B3GALT1: variants seen among roughly 807,000 people sequenced by gnomAD.
B3GALT1 encodes beta-1,3-galactosyltransferase 1, also known as UDP-Gal:betaGlcNAc beta 1,3-galactosyltransferase, polypeptide 1.
In B3GALT1, 10 loss-of-function variants were observed where a neutral mutation model predicts 23.2. That is an observed-to-expected ratio of 0.43 (90% CI 0.27 to 0.73). The LOEUF is 0.73. Ranked by LOEUF, B3GALT1 falls within the 30% of genes least tolerant of loss-of-function variation. The pLI is 0.21. For missense variants in B3GALT1, 299 were observed against 405.4 expected (o/e 0.74, Z 2.25); for synonymous variants, 156 against 141.5 (o/e 1.10, Z -0.73).
intron 3 of B3GALT1, among the ~76,000 whole-genome samples, chr2:167,738,525 G>C (rs1205837051): frequency 2.0e-5 from 3 of 152,184 alleles, no homozygotes; most frequent in Non-Finnish European, 4.4e-5. Context: ...AGCACAAACA[G>C]TTGTTAGAAG....
intron 2 of B3GALT1, among the ~76,000 whole-genome samples, chr2:167,568,856 AGTTTTAT>A (rs769037774): frequency 2.6e-5 from 4 of 151,706 alleles, no homozygotes; most frequent in Non-Finnish European, 5.9e-5. Context: ...GGATTTTTAT[AGTTTTAT>A]GTTTTAGATC....
At chr2:167,589,148 A>G (rs1482359388) in intron 2 of B3GALT1, among the ~76,000 whole-genome samples, 2 of 152,114 alleles carry the variant, frequency 1.3e-5, no homozygotes, top group East Asian at 1.9e-4. Flanking sequence ...GTCTCCTTAT[A>G]TTGCCCAGGT....
intron 3 of B3GALT1, among the ~76,000 whole-genome samples, chr2:167,784,229 C>G (rs894077880): frequency 6.6e-6 from 1 of 152,220 alleles, no homozygotes; most frequent in Non-Finnish European, 1.5e-5. Context: ...ACTGCATCTG[C>G]AGATTGCTGG....
At chr2:167,462,096 T>A (rs1292189300) in intron 1 of B3GALT1, among the ~76,000 whole-genome samples, 1 of 152,136 alleles carries the variant, frequency 6.6e-6, no homozygotes, top group East Asian at 1.9e-4. Context: ...CATTGTATAT[T>A]TCCACAATAA....
chr2:167,532,463 C>A (rs1683341457), intron 2 of B3GALT1, among the ~76,000 whole-genome samples: 1 of 151,990 alleles, frequency 6.6e-6, no homozygotes, highest in African/African-American at 2.4e-5. Context: ...TTGTTTGTTG[C>A]TTTAAATCAA....
chr2:167,714,585 T>G, intron 3 of B3GALT1: 1 of 1,613,646 alleles, frequency 6.2e-7, no homozygotes. Flanking sequence ...AGTTCAGATT[T>G]AAACTCTGTT....
At chr2:167,799,329 C>A (rs1211394070) in intron 3 of B3GALT1, among the ~76,000 whole-genome samples, 3 of 152,100 alleles carry the variant, frequency 2.0e-5, no homozygotes, top group Admixed American at 2.0e-4. Flanking sequence ...ATTTTTATAT[C>A]CTTAGCCCCC....
intron 2 of B3GALT1, among the ~76,000 whole-genome samples, chr2:167,513,948 C>T (rs893033202): frequency 3.3e-5 from 5 of 151,848 alleles, no homozygotes; most frequent in African/African-American, 1.2e-4. Flanking sequence ...TCTCTGTCAC[C>T]CAGGCTGGAG....
At chr2:167,749,039 A>G (rs187520323) in intron 3 of B3GALT1, among the ~76,000 whole-genome samples, 139 of 152,344 alleles carry the variant, frequency 9.1e-4, no homozygotes, top group Non-Finnish European at 1.4e-3. Context: ...CAAGCCAGGC[A>G]TAGCTAAGAT....
intron 1 of B3GALT1, among the ~76,000 whole-genome samples, chr2:167,466,617 CAA>C (rs1175269957): frequency 7.6e-5 from 4 of 52,396 alleles, no homozygotes; most frequent in African/African-American, 1.6e-4. Context: ...AAGACTCTGT[CAA>C]AAAAAAAAAA....
chr2:167,700,662 T>C (rs1327224997), intron 3 of B3GALT1, among the ~76,000 whole-genome samples: 1 of 152,102 alleles, frequency 6.6e-6, no homozygotes, highest in East Asian at 1.9e-4. Flanking sequence ...GCATATTGGA[T>C]TCTCAGTACA....
intron 3 of B3GALT1, among the ~76,000 whole-genome samples, chr2:167,799,272 T>C (rs1301311569): frequency 6.6e-6 from 1 of 152,016 alleles, no homozygotes; most frequent in Non-Finnish European, 1.5e-5. Context: ...TCTATACAAT[T>C]CCAGTGCTCC....
chr2:167,831,516 T>TAAAC (rs1419070028), intron 4 of B3GALT1, among the ~76,000 whole-genome samples: 1 of 152,134 alleles, frequency 6.6e-6, no homozygotes, highest in African/African-American at 2.4e-5. Context: ...GGATTTGAGG[T>TAAAC]AAACACTTGT....
At chr2:167,685,674 G>A (rs75945741) in intron 3 of B3GALT1, among the ~76,000 whole-genome samples, 138 of 152,236 alleles carry the variant, frequency 9.1e-4, no homozygotes, top group African/African-American at 3.1e-3. Flanking sequence ...GAGAGAGCAG[G>A]GGCCAGGTCT....
At chr2:167,801,737 A>C (rs996080047) in intron 3 of B3GALT1, among the ~76,000 whole-genome samples, 3 of 152,250 alleles carry the variant, frequency 2.0e-5, no homozygotes, top group Non-Finnish European at 4.4e-5. Flanking sequence ...ATGTCATGCC[A>C]TAATACAACA....
At chr2:167,693,811 AT>A (rs1019070337) in intron 3 of B3GALT1, among the ~76,000 whole-genome samples, 5 of 151,992 alleles carry the variant, frequency 3.3e-5, no homozygotes, top group African/African-American at 1.2e-4. Context: ...ACCCTCTCAG[AT>A]TTCTATTTCT....
intron 2 of B3GALT1, among the ~76,000 whole-genome samples, chr2:167,520,887 G>T (rs1054099779): frequency 6.6e-5 from 10 of 152,192 alleles, no homozygotes; most frequent in Admixed American, 2.6e-4. Context: ...AGTCAGAATT[G>T]TATAAGCTGA....
chr2:167,747,544 G>A (rs1687671023), intron 3 of B3GALT1, among the ~76,000 whole-genome samples: 1 of 152,206 alleles, frequency 6.6e-6, no homozygotes, highest in African/African-American at 2.4e-5. Context: ...AGAAGAGGGA[G>A]AGGAAAAACA....
chr2:167,852,136 G>T (rs750906304), intron 4 of B3GALT1, among the ~76,000 whole-genome samples: 19 of 152,154 alleles, frequency 1.2e-4, no homozygotes, highest in Non-Finnish European at 2.6e-4. Flanking sequence ...TGTGACATGA[G>T]TTGAAGCATC....
Sources: gnomAD v4.1 joint callset for allele counts (sites outside exome capture counted in the v4.1 genomes callset) on GRCh38, gnomAD v4.1.1 for gene constraint, MANE v1.5 for transcripts, NCBI Gene and HGNC (gene_info 2026-07-23, HGNC 2026-07-21) for gene names.